IPO9: variants seen among roughly 807,000 people sequenced by gnomAD.
IPO9 encodes importin-9.
Under a neutral mutation model 128.6 loss-of-function variants are expected in IPO9, and 28 were observed. The observed-to-expected ratio is 0.22, with a 90% CI of 0.16 to 0.30. IPO9 has a LOEUF of 0.30. Ranked by LOEUF, IPO9 falls within the 10% of genes least tolerant of loss-of-function variation. The probability of loss-of-function intolerance (pLI) is 1.00; values close to 1 mark genes in which losing one functional copy is unlikely to be tolerated. For synonymous variants in IPO9, 455 were observed against 475.8 expected (o/e 0.96, Z 0.57); for missense variants, 935 against 1,293.9 (o/e 0.72, Z 4.26).
Position 201,857,663 on chromosome 1 carries a change from C to T in IPO9, c.1221+469C>T, listed in dbSNP as rs774231858. Reference sequence around the variant, plus strand: ...ATACAAAATTAGCCGGGCGTGATGGCGCATGCCTGTAATCCCAGCTACTCG... The same window carrying T: ...ATACAAAATTAGCCGGGCGTGATGGTGCATGCCTGTAATCCCAGCTACTCG... On this transcript the variant is annotated intron_variant, in intron 11 of 23. Transcript: ENST00000361565. Among the ~76,000 whole-genome samples, 27 of 152,032 alleles carry T rather than the reference C, an allele frequency of 1.8e-4. 1 individual carries two copies. The highest frequency in any genetic ancestry group is 3.5e-4 in the Non-Finnish European group (24 of 68,002).
chr1:201,867,636 T>C (rs947719585), intron 15 of IPO9, among the ~76,000 whole-genome samples: 2 of 152,018 alleles, frequency 1.3e-5, no homozygotes, highest in African/African-American at 4.8e-5. Flanking sequence ...AAATGTTGAG[T>C]GTTTAGGTAG....
intron 5 of IPO9, 86 bp from the exon 6 acceptor site, chr1:201,852,925 A>G (rs1680252435): frequency 9.7e-7 from 1 of 1,029,522 alleles, no homozygotes; most frequent in African/African-American, 1.6e-5. Context: ...TTCATTAGTC[A>G]TAGTTTTACT....
intron 1 of IPO9, 50 bp downstream of exon 1, chr1:201,829,422 G>C (rs1679786198): frequency 6.7e-7 from 1 of 1,489,028 alleles, no homozygotes; most frequent in East Asian, 2.8e-5. Flanking sequence ...ACAATCCGCT[G>C]ACCGCAGCTC....
chr1:201,862,893 A>C (rs1209769595), intron 13 of IPO9, among the ~76,000 whole-genome samples: 1 of 151,994 alleles, frequency 6.6e-6, no homozygotes, highest in African/African-American at 2.4e-5. Context: ...AAGTCTTTTT[A>C]GTCTAATAAT....
Position 201,871,243 on chromosome 1 carries a change from C to T in IPO9, c.2492C>T (p.Thr831Ile). 6.2e-7 allele frequency: 1 copy of T among 1,614,108 alleles called. No homozygotes were observed. Among genetic ancestry groups the T allele is most frequent in the Non-Finnish European group, 8.5e-7 (1 of 1,180,018 alleles). Residue 831 changes from threonine (T) to isoleucine (I), a missense_variant, in exon 19 of 24, where the codon ACT (threonine) becomes ATT (isoleucine). This residue lies in a region of IPO9 where 6 missense variants were observed against 28.1 expected (regional missense o/e 0.21). Transcript: ENST00000361565. ...TTCCTGTGTAGCCTCCCAGGACCTA[C>T]TGGCAAACCTGCTCTAGAGTTTGTG... ...LEFLCSLPGP[T>I]GKPALEFVMA... is the part of the protein sequence containing the mutation.
chr1:201,873,750 G>GA (rs1012474508), intron 20 of IPO9, among the ~76,000 whole-genome samples: 33 of 147,920 alleles, frequency 2.2e-4, no homozygotes, highest in African/African-American at 5.4e-4. Flanking sequence ...TCTGTCTGAA[G>GA]AAAAAAAAAA....
chr1:201,832,011 C>T (rs1304871575), intron 1 of IPO9, among the ~76,000 whole-genome samples: 1 of 151,852 alleles, frequency 6.6e-6, no homozygotes. Context: ...AAGCAATTCT[C>T]CTGCCTCAGC....
Position 201,869,727 on chromosome 1 carries a change from G to T in IPO9, c.2133+9G>T. 2 of 1,613,910 alleles carry T rather than the reference G, an allele frequency of 1.2e-6. No individual in the cohort carries two copies. Among genetic ancestry groups the T allele is most frequent in the South Asian group, 1.1e-5 (1 of 91,040 alleles). On this transcript the variant is annotated intron_variant, in intron 17 of 23. Transcript: ENST00000361565. ...ACAATGCCACCATGCAGGTATCTGA[G>T]ACATGGAGAGTAGAAGAGGGAAGAT...
At chr1:201,873,487 C>T (rs1362232415) in intron 20 of IPO9, among the ~76,000 whole-genome samples, 1 of 150,208 alleles carries the variant, frequency 6.7e-6, no homozygotes, top group Non-Finnish European at 1.5e-5. Context: ...GTGGCTCACA[C>T]CTGTAATCCC....
Position 201,855,119 on chromosome 1 carries a change from C to A in IPO9, c.912-5C>A, listed in dbSNP as rs1251347233. On this transcript the variant is annotated splice_polypyrimidine_tract_variant and splice_region_variant and intron_variant, in intron 8 of 23. Transcript: ENST00000361565. ...CAAATTCTATTTCTTTACTCTTCAT[C>A]ATACTTATGTGAGGACAGAAGTAAA... 1 of 1,570,390 alleles carries A rather than the reference C, an allele frequency of 6.4e-7. No individual in the cohort carries two copies. Among genetic ancestry groups the A allele is most frequent in the African/African-American group, 1.4e-5 (1 of 74,038 alleles).
intron 20 of IPO9, among the ~76,000 whole-genome samples, chr1:201,873,586 A>G (rs922775698): frequency 1.1e-4 from 17 of 151,408 alleles, no homozygotes; most frequent in Middle Eastern, 3.5e-3. Context: ...CGTCTCTACC[A>G]AAAATACAAA....
At chr1:201,830,468 C>A (rs573903884) in intron 1 of IPO9, among the ~76,000 whole-genome samples, 5 of 152,200 alleles carry the variant, frequency 3.3e-5, no homozygotes, top group Non-Finnish European at 7.3e-5. Flanking sequence ...AACAAATTTT[C>A]TTCTGTTGGA....
intron 1 of IPO9, among the ~76,000 whole-genome samples, chr1:201,845,510 A>G (rs572433883): frequency 6.6e-6 from 1 of 152,358 alleles, no homozygotes; most frequent in African/African-American, 2.4e-5. Context: ...AAGCAAGTCT[A>G]GAAAACTGCT....
chr1:201,858,837 T>C lies in IPO9; in HGVS notation c.1329-18T>C. On this transcript the variant is annotated intron_variant, in intron 12 of 23. Coordinates refer to ENST00000361565, the MANE Select transcript of IPO9 (RefSeq NM_018085.5). ...GGCAGTTTAGTATGTTTTACTAGGC[T>C]GTAGTATCCTTTCACAGGTGGAAGA... The C allele has an allele frequency of 6.3e-7, 1 of 1,586,596 alleles. No individual in the cohort carries two copies. The highest frequency in any genetic ancestry group is 8.6e-7 in the Non-Finnish European group (1 of 1,157,588).
At position 201,882,453 on chromosome 1, in the gene IPO9, A is replaced by C. The variant is rs1220997875; in HGVS notation, c.*6399A>C. The C allele has an allele frequency of 1.3e-5, 2 of 149,214 alleles. No individual in the cohort carries two copies. Among genetic ancestry groups the C allele is most frequent in the Admixed American group, 6.6e-5 (1 of 15,160 alleles). 9.2% of individuals were successfully genotyped at this position (149,214 alleles called of 1,614,324 possible). A position where few individuals can be genotyped will look rare whatever the true frequency, so the allele number is the denominator to read the frequency against. ...CCTCAAAAAAAAAAAAAAACAAAAAAAAAAACAAGTTTTGTGAATTTAAGT... is the reference window on the plus strand; with the variant it reads ...CCTCAAAAAAAAAAAAAAACAAAAACAAAAACAAGTTTTGTGAATTTAAGT... On this transcript the variant is annotated 3_prime_UTR_variant, in exon 24 of 24. Coordinates refer to ENST00000361565, the MANE Select transcript of IPO9 (RefSeq NM_018085.5).
rs760762607 is a variant in IPO9, at chr1:201,874,838, C to A, written c.2840C>A (p.Ser947Tyr). ...ATPAEWSQDDSNDMWEDQEEE... is the reference protein window; with the variant it reads ...ATPAEWSQDDYNDMWEDQEEE... The stretch of plus-strand genomic sequence containing the variant: ...GCTTTTCATCTCCAAGTAGATGACT[C>A]CAATGATATGTGGGAGGACCAGGAG... The change falls in exon 22 of 24, where the codon TCC becomes TAC. Residue 947 changes from serine to tyrosine, a missense_variant. Ser to Tyr is a moderately radical substitution (Grantham distance 144). Transcript: ENST00000361565. 1 of 1,610,496 alleles carries A rather than the reference C, an allele frequency of 6.2e-7. No individual in the cohort carries two copies. Among genetic ancestry groups the A allele is most frequent in the Non-Finnish European group, 8.5e-7 (1 of 1,176,838 alleles).
rs1255961022 is a variant in IPO9, at chr1:201,876,539, G to T, written c.*485G>T. The T allele has an allele frequency of 4.6e-6, 1 of 218,066 alleles. No homozygotes were observed. 13.5% of individuals were successfully genotyped at this position (218,066 alleles called of 1,614,324 possible). A position where few individuals can be genotyped will look rare whatever the true frequency, so the allele number is the denominator to read the frequency against. ...GTGCCCTGGACCACTGCTGCTCTGGGTTCTCAGGAGGAACAGGCAAGAGCA... is the reference window on the plus strand; with the variant it reads ...GTGCCCTGGACCACTGCTGCTCTGGTTTCTCAGGAGGAACAGGCAAGAGCA... On this transcript the variant is annotated 3_prime_UTR_variant, in exon 24 of 24. Transcript: ENST00000361565.
intron 15 of IPO9, among the ~76,000 whole-genome samples, chr1:201,868,122 A>T (rs1197616296): frequency 6.6e-6 from 1 of 152,180 alleles, no homozygotes; most frequent in Non-Finnish European, 1.5e-5. Context: ...ATTGAGCTAA[A>T]GTTCCCTTTC....
At chr1:201,866,481 A>AC (rs1680556074) in intron 14 of IPO9, among the ~76,000 whole-genome samples, 1 of 151,602 alleles carries the variant, frequency 6.6e-6, no homozygotes, top group Non-Finnish European at 1.5e-5. Flanking sequence ...AGGATGCAAA[A>AC]AAAAAAAACC....
Sources: allele counts gnomAD v4.1 joint callset (sites outside exome capture counted in the v4.1 genomes callset), GRCh38; gene constraint gnomAD v4.1.1; regional missense constraint gnomAD v4.1.1; transcripts MANE v1.5; gene names NCBI Gene and HGNC (gene_info 2026-07-23, HGNC 2026-07-21).